The following IQCM variants were observed in gnomAD, a reference collection of about 807,000 sequenced individuals.
IQCM encodes the protein IQ domain-containing protein M.
Under a neutral mutation model 57.6 loss-of-function variants are expected in IQCM, and 45 were observed. That is an observed-to-expected ratio of 0.78 (90% CI 0.62 to 1.00). IQCM has a LOEUF of 1.00. Ranked by LOEUF, IQCM falls within the 50% of genes least tolerant of loss-of-function variation. The probability of loss-of-function intolerance (pLI) is 0.00; values close to 1 mark genes in which losing one functional copy is unlikely to be tolerated. For missense variants in IQCM, 468 were observed against 511.6 expected (o/e 0.91, Z 0.82); for synonymous variants, 148 against 158.9 (o/e 0.93, Z 0.51).
chr4:149,492,410 TCTAA>T (rs758371439), intron 12 of IQCM, among the ~76,000 whole-genome samples: 6 of 151,358 alleles, frequency 4.0e-5, no homozygotes, highest in Non-Finnish European at 8.8e-5. Flanking sequence ...AAGAAACACG[TCTAA>T]CTGACTGTTG....
In IQCM at chr4:149,553,211, C is replaced by A. The variant is rs112036644; in HGVS notation, c.1025G>T (p.Arg342Leu). The A allele has an allele frequency of 8.1e-7, 1 of 1,231,946 alleles. No homozygotes were observed. The highest frequency in any genetic ancestry group is 4.2e-5 in the Admixed American group (1 of 23,710). The allele number at this position is 1,231,946 out of a possible 1,614,324, so 76.3% of individuals were successfully genotyped here. A position where few individuals can be genotyped will look rare whatever the true frequency, so the allele number is the denominator to read the frequency against. ...AATTTGTCTTGTCCTCCAAAGACCA[C>A]GTCGATATCTAACACGGTGGATTAG... ...GRLIHRVRYR[R>L]GLWRTRQILN... is the part of the protein sequence containing the mutation. The change falls in exon 11 of 14, where the codon CGT becomes CTT. Residue 342 changes from arginine to leucine, a missense_variant. Transcript: ENST00000636793.
chr4:149,558,884 G>A (rs1307100305), intron 10 of IQCM, among the ~76,000 whole-genome samples: 1 of 152,164 alleles, frequency 6.6e-6, no homozygotes, highest in African/African-American at 2.4e-5. Flanking sequence ...CTGCTTCCCA[G>A]ACATCTCAAG....
chr4:149,530,803 A>C (rs1025289735), intron 12 of IQCM, among the ~76,000 whole-genome samples: 3,690 of 93,098 alleles, frequency 0.04, 2 homozygotes, highest in South Asian at 0.053. Context: ...CCACCCCCCC[A>C]CCCCCCCCCC....
intron 5 of IQCM, among the ~76,000 whole-genome samples, chr4:149,709,945 C>T (rs1425538043): frequency 6.6e-6 from 1 of 152,086 alleles, no homozygotes; most frequent in East Asian, 1.9e-4. Flanking sequence ...GAAAGTAAAG[C>T]TTGCAGGCCA....
In IQCM at chr4:149,752,650, T is replaced by C. The variant is rs189227818; in HGVS notation, c.-48-9911A>G. Among the ~76,000 whole-genome samples, 536 of 151,220 alleles carry C rather than the reference T, an allele frequency of 3.5e-3. 5 individuals are homozygous for C. Among genetic ancestry groups the C allele is most frequent in the Non-Finnish European group, 5.9e-3 (398 of 67,850 alleles). ...TTTAGTCATCTTCAAGGGCCAGAAA[T>C]AGAAAATTAATACAGAGGGGTGATG... On this transcript the variant is annotated intron_variant, in intron 2 of 13. Coordinates refer to ENST00000636793, the MANE Select transcript of IQCM (RefSeq NM_001363507.2).
chr4:149,563,889 T>C lies in IQCM; in HGVS notation c.751A>G (p.Ile251Val), dbSNP rs1401927257. 9 of 1,218,570 alleles carry C rather than the reference T, an allele frequency of 7.4e-6. No individual in the cohort carries two copies. Among genetic ancestry groups the C allele is most frequent in the Non-Finnish European group, 9.2e-6 (9 of 975,842 alleles). The allele number at this position is 1,218,570 out of a possible 1,614,324, so 75.5% of individuals were successfully genotyped here. A position where few individuals can be genotyped will look rare whatever the true frequency, so the allele number is the denominator to read the frequency against. The change falls in exon 10 of 14, where the codon ATA becomes GTA. Residue 251 changes from isoleucine to valine, a missense_variant and splice_region_variant. Physicochemically the swap from Ile to Val is conservative, Grantham distance 29 (BLOSUM62 3). Coordinates refer to ENST00000636793, the MANE Select transcript of IQCM (RefSeq NM_001363507.2). ...TCAGTTTTATTTGGAGTACCTTTTA[T>C]CCTAAAAATAAAACAAATTTCTTAT... is the stretch of plus-strand genomic sequence containing the variant. ...IKPEPKSQPR[I>V]KGTPNKTDKL...
chr4:149,468,544 T>TG (rs1443603208), intron 12 of IQCM, among the ~76,000 whole-genome samples: 3 of 151,758 alleles, frequency 2.0e-5, no homozygotes, highest in Non-Finnish European at 4.4e-5. Context: ...ACTCCACCTC[T>TG]GGGGGCAGGG....
In IQCM at chr4:149,381,402, A is replaced by T. The variant is rs558370072; in HGVS notation, c.1391-29336T>A. On this transcript the variant is annotated intron_variant, in intron 13 of 13. Transcript: ENST00000636793. ...TATTTCTCTCAGGCTAAACGCCAAAAATCTTATAATGGCATCTCCTCTTTC... is the reference window on the plus strand; with the variant it reads ...TATTTCTCTCAGGCTAAACGCCAAATATCTTATAATGGCATCTCCTCTTTC... Among the ~76,000 whole-genome samples the T allele has an allele frequency of 6.8e-4, 103 of 152,190 alleles. 1 individual carries two copies. The highest frequency in any genetic ancestry group is 2.4e-3 in the African/African-American group (99 of 41,538).
chr4:149,422,808 C>A (rs2111224629), intron 13 of IQCM, among the ~76,000 whole-genome samples: 1 of 152,092 alleles, frequency 6.6e-6, no homozygotes, highest in South Asian at 2.1e-4. Context: ...AGGAAGTTGG[C>A]ATAATATCCC....
chr4:149,626,018 A>C (rs1414352816), intron 7 of IQCM, among the ~76,000 whole-genome samples: 1 of 152,058 alleles, frequency 6.6e-6, no homozygotes, highest in Non-Finnish European at 1.5e-5. Context: ...GTTAATAATG[A>C]GTGTCAACTT....
intron 2 of IQCM, among the ~76,000 whole-genome samples, chr4:149,784,579 C>A (rs1046346406): frequency 1.3e-5 from 2 of 152,224 alleles, no homozygotes; most frequent in Admixed American, 1.3e-4. Flanking sequence ...CTGCGCCTGG[C>A]TAATTTTTTG....
chr4:149,697,344 T>C (rs1763416847), intron 5 of IQCM, among the ~76,000 whole-genome samples: 2 of 152,076 alleles, frequency 1.3e-5, no homozygotes, highest in South Asian at 4.1e-4. Context: ...CATGTATACA[T>C]ATGTAACAAA....
intron 5 of IQCM, among the ~76,000 whole-genome samples, chr4:149,725,523 G>T (rs1765810849): frequency 6.6e-6 from 1 of 152,210 alleles, no homozygotes; most frequent in South Asian, 2.1e-4. Context: ...ACATGCAAAG[G>T]TTCCTAGTAG....
intron 12 of IQCM, among the ~76,000 whole-genome samples, chr4:149,449,366 TTATATTA>T (rs984528113): frequency 2.7e-5 from 4 of 146,212 alleles, no homozygotes; most frequent in Non-Finnish European, 6.0e-5. Flanking sequence ...ATTATATACA[TTATATTA>T]TATATTATAT....
At chr4:149,614,268 T>C (rs2150059707) in intron 8 of IQCM, among the ~76,000 whole-genome samples, 1 of 152,268 alleles carries the variant, frequency 6.6e-6, no homozygotes, top group African/African-American at 2.4e-5. Context: ...GCATCAAAGT[T>C]AGGCAAATTC....
At chr4:149,775,130 T>C (rs1191285064) in intron 2 of IQCM, among the ~76,000 whole-genome samples, 1 of 151,192 alleles carries the variant, frequency 6.6e-6, no homozygotes, top group Non-Finnish European at 1.5e-5. Context: ...ATTTAAAAAC[T>C]AAACTACTTT....
chr4:149,374,927 A>G (rs1484234917), intron 13 of IQCM, among the ~76,000 whole-genome samples: 2 of 151,824 alleles, frequency 1.3e-5, no homozygotes, highest in Non-Finnish European at 2.9e-5. Flanking sequence ...AAACTAGAGG[A>G]CAAGATTATG....
intron 12 of IQCM, among the ~76,000 whole-genome samples, chr4:149,547,592 C>T (rs1278004813): frequency 2.0e-5 from 3 of 152,134 alleles, no homozygotes; most frequent in South Asian, 2.1e-4. Flanking sequence ...TGGTGACTGT[C>T]GTTAATACTG....
At chr4:149,802,170 C>T (rs1773664431) in intron 2 of IQCM, among the ~76,000 whole-genome samples, 1 of 151,546 alleles carries the variant, frequency 6.6e-6, no homozygotes, top group Non-Finnish European at 1.5e-5. Flanking sequence ...AAGTATGCTT[C>T]ATGCAAAACT....
Sources: gnomAD v4.1 joint callset for allele counts (sites outside exome capture counted in the v4.1 genomes callset) on GRCh38, gnomAD v4.1.1 for gene constraint, MANE v1.5 for transcripts, NCBI Gene and HGNC (gene_info 2026-07-23, HGNC 2026-07-21) for gene names.